Variants in PTPRA observed in about 807,000 individuals in gnomAD.
PTPRA encodes the protein receptor-type tyrosine-protein phosphatase alpha.
In PTPRA, 25 loss-of-function variants were observed where a neutral mutation model predicts 104.8. The ratio of observed to expected loss-of-function variants is 0.24; its 90% CI spans 0.17 to 0.33. The LOEUF is 0.33. Among genes scored for constraint, PTPRA ranks in the 10% least tolerant of loss-of-function variants. The probability of loss-of-function intolerance (pLI) is 1.00; values close to 1 mark genes in which losing one functional copy is unlikely to be tolerated. For synonymous variants in PTPRA, 323 were observed against 368.9 expected (o/e 0.88, Z 1.43); for missense variants, 765 against 1,015.3 (o/e 0.75, Z 3.35).
chr20:2,997,491 G>A (rs934182371), intron 9 of PTPRA, among the ~76,000 whole-genome samples: 4 of 152,140 alleles, frequency 2.6e-5, no homozygotes, highest in Non-Finnish European at 5.9e-5. Context: ...TATAAAAAGG[G>A]ATATCACCAA....
At chr20:3,000,087 C>G (rs1399432603) in intron 9 of PTPRA, among the ~76,000 whole-genome samples, 1 of 151,966 alleles carries the variant, frequency 6.6e-6, no homozygotes, top group Non-Finnish European at 1.5e-5. Flanking sequence ...AGTTCGAGAC[C>G]AGCCTGGCCA....
Position 3,022,726 on chromosome 20 carries a change from G to A in PTPRA, c.1366G>A (p.Asp456Asn). Residue 456 changes from aspartate to asparagine, a missense_variant, in exon 16 of 24, where the codon GAT (aspartate) becomes AAT (asparagine). Physicochemically the swap from Asp to Asn is conservative, Grantham distance 23 (BLOSUM62 1). Transcript: ENST00000399903. This position sits in a 1 kb window ranked among gnomAD's most constrained non-coding sequence, Gnocchi z 4.6. ...VGRTGTFVVI[D>N]AMLDMMHTER... is the part of the protein sequence containing the mutation. Reference sequence around the variant, plus strand: ...GCGTACAGGTACCTTTGTCGTCATTGATGCCATGCTGGACATGATGCATAC... The same window carrying A: ...GCGTACAGGTACCTTTGTCGTCATTAATGCCATGCTGGACATGATGCATAC... 2 of 1,614,190 alleles carry A rather than the reference G, an allele frequency of 1.2e-6. No homozygotes were observed. Among genetic ancestry groups the A allele is most frequent in the Non-Finnish European group, 1.7e-6 (2 of 1,180,042 alleles).
chr20:2,885,507 T>C (rs547402495), intron 1 of PTPRA, among the ~76,000 whole-genome samples: 1 of 152,344 alleles, frequency 6.6e-6, no homozygotes, highest in East Asian at 1.9e-4. Context: ...GACAATCTTC[T>C]GATCAATCAT....
intron 1 of PTPRA, among the ~76,000 whole-genome samples, chr20:2,922,112 A>C (rs2060120043): frequency 6.6e-6 from 1 of 152,196 alleles, no homozygotes. Flanking sequence ...GCCTAATGGT[A>C]TATAAACAAC....
chr20:3,036,792 T>A (rs2065820845), intron 22 of PTPRA, among the ~76,000 whole-genome samples: 3 of 149,220 alleles, frequency 2.0e-5, no homozygotes, highest in Admixed American at 1.3e-4. Context: ...GTGTAGGGAG[T>A]GGGGTTTGTC....
At chr20:2,866,870 C>T in the PTPRA span, 13 of 385,574 alleles carry the variant, frequency 3.4e-5, no homozygotes, top group African/African-American at 1.6e-4. Flanking sequence ...TCGCAAGAAA[C>T]GTGTCCTCTC....
intron 9 of PTPRA, among the ~76,000 whole-genome samples, chr20:3,002,907 A>T (rs1008803738): frequency 2.6e-5 from 4 of 151,718 alleles, no homozygotes; most frequent in African/African-American, 9.7e-5. Flanking sequence ...ATCCCCATCA[A>T]CCTCACCTTC....
At position 2,993,695 on chromosome 20, in the gene PTPRA, A is replaced by T. The variant is rs892538718; in HGVS notation, c.738+5221A>T. The stretch of plus-strand genomic sequence containing the variant: ...TAGCACTTAAGATCCTGCGGTTCAC[A>T]TGGAGACTTCGCCTTTTGCTAAAGA... On this transcript the variant is annotated intron_variant, in intron 9 of 23. Transcript: ENST00000399903. Among the ~76,000 whole-genome samples the T allele has an allele frequency of 6.6e-5, 10 of 152,386 alleles. 1 individual carries two copies. The highest frequency in any genetic ancestry group is 2.4e-4 in the African/African-American group (10 of 41,600).
At chr20:2,889,841 G>T (rs1431113563) in intron 1 of PTPRA, among the ~76,000 whole-genome samples, 1 of 152,108 alleles carries the variant, frequency 6.6e-6, no homozygotes, top group Non-Finnish European at 1.5e-5. Context: ...AGTCCTGAAT[G>T]TGGCATCAAA....
chr20:3,015,767 C>T, intron 11 of PTPRA, 82 bp from the exon 12 acceptor site: 1 of 1,198,472 alleles, frequency 8.3e-7, no homozygotes, highest in Non-Finnish European at 1.2e-6. Flanking sequence ...GTTTTGTTAA[C>T]TGGTTGGAGT....
intron 20 of PTPRA, among the ~76,000 whole-genome samples, chr20:3,028,894 CT>C (rs2065276271): frequency 6.6e-6 from 1 of 152,136 alleles, no homozygotes; most frequent in Non-Finnish European, 1.5e-5. Flanking sequence ...GTGGCCTGGA[CT>C]CGGGTGGTGA....
At chr20:2,880,481 T>A (rs2089986118) in intron 1 of PTPRA, among the ~76,000 whole-genome samples, 1 of 152,200 alleles carries the variant, frequency 6.6e-6, no homozygotes, top group African/African-American at 2.4e-5. Flanking sequence ...TAACCAGTTC[T>A]CATTGAACTA....
At chr20:2,866,453 T>C in the PTPRA span, 1 of 1,614,162 alleles carries the variant, frequency 6.2e-7, no homozygotes, top group South Asian at 1.1e-5. Flanking sequence ...GCTGCAGATG[T>C]GGCCATCGAA....
intron 2 of PTPRA, among the ~76,000 whole-genome samples, chr20:2,926,834 A>G (rs1176601436): frequency 7.8e-6 from 1 of 128,344 alleles, no homozygotes; most frequent in Non-Finnish European, 1.5e-5. Flanking sequence ...TCTGTCGCTC[A>G]GGCTGGAGTA....
chr20:2,982,722 A>G (rs1484047505), intron 6 of PTPRA, among the ~76,000 whole-genome samples: 1 of 151,210 alleles, frequency 6.6e-6, no homozygotes, highest in Non-Finnish European at 1.5e-5. Context: ...TTTGAGACAG[A>G]GTCTCGCTCT....
chr20:2,968,105 A>T (rs989270324), intron 5 of PTPRA, among the ~76,000 whole-genome samples: 2 of 152,024 alleles, frequency 1.3e-5, no homozygotes, highest in Admixed American at 6.5e-5. Context: ...CCTGACTTCC[A>T]TATTGTCTTC....
At chr20:2,980,787 C>T (rs1600207847) in intron 6 of PTPRA, among the ~76,000 whole-genome samples, 1 of 152,268 alleles carries the variant, frequency 6.6e-6, no homozygotes, top group African/African-American at 2.4e-5. Context: ...TTTCTTTTGT[C>T]ACCTCCATTT....
chr20:2,922,742 A>G (rs557436756), intron 1 of PTPRA, among the ~76,000 whole-genome samples: 6 of 150,786 alleles, frequency 4.0e-5, no homozygotes, highest in South Asian at 2.1e-4. Flanking sequence ...GGTTCAAGCA[A>G]TTCTACCTCA....
chr20:2,929,126 A>AT (rs2060416503), intron 2 of PTPRA, among the ~76,000 whole-genome samples: 1 of 150,664 alleles, frequency 6.6e-6, no homozygotes, highest in African/African-American at 2.4e-5. Flanking sequence ...TAATTTTTGT[A>AT]TTTTTTAGTA....
Sources: allele counts gnomAD v4.1 joint callset (sites outside exome capture counted in the v4.1 genomes callset), GRCh38; gene constraint gnomAD v4.1.1; non-coding constraint Gnocchi (gnomAD v3.1); transcripts MANE v1.5; gene names NCBI Gene and HGNC (gene_info 2026-07-23, HGNC 2026-07-21).